The following PTPRN2 variants were observed in gnomAD, a reference collection of about 807,000 sequenced individuals.
PTPRN2 encodes protein tyrosine phosphatase receptor type N2, also known as receptor-type tyrosine-protein phosphatase N2.
In PTPRN2, 74 loss-of-function variants were observed where a neutral mutation model predicts 118.8. That is an observed-to-expected ratio of 0.62 (90% CI 0.52 to 0.76). The LOEUF (loss-of-function observed/expected upper bound fraction) is 0.76. PTPRN2 is among the 30% of genes least tolerant of loss of function. The pLI is 0.00. For missense variants in PTPRN2, 1,481 were observed against 1,394.4 expected (o/e 1.06, Z -0.99); for synonymous variants, 641 against 608.0 (o/e 1.05, Z -0.80).
chr7:157,980,212 A>T (rs1365627203), intron 11 of PTPRN2, among the ~76,000 whole-genome samples: 1 of 152,230 alleles, frequency 6.6e-6, no homozygotes, highest in Admixed American at 6.5e-5. Flanking sequence ...TATTCATTTT[A>T]TGCAGGCTGA....
At chr7:157,955,952 C>A (rs1299824916) in intron 11 of PTPRN2, among the ~76,000 whole-genome samples, 1 of 152,134 alleles carries the variant, frequency 6.6e-6, no homozygotes, top group Admixed American at 6.5e-5. Context: ...TGGAAGGAAC[C>A]CAGGAGACCA....
intron 11 of PTPRN2, among the ~76,000 whole-genome samples, chr7:157,931,462 C>T (rs963075815): frequency 2.6e-5 from 4 of 152,178 alleles, no homozygotes; most frequent in African/African-American, 9.6e-5. Context: ...AGTCTACTTC[C>T]GATCACACGC....
At chr7:157,662,892 G>C (rs899891280) in intron 13 of PTPRN2, among the ~76,000 whole-genome samples, 2 of 152,146 alleles carry the variant, frequency 1.3e-5, no homozygotes, top group African/African-American at 2.4e-5. Flanking sequence ...TGCAGGGTCT[G>C]AAGGGAAGGC....
intron 1 of PTPRN2, among the ~76,000 whole-genome samples, chr7:158,547,577 T>G (rs888300673): frequency 3.3e-5 from 5 of 152,162 alleles, no homozygotes; most frequent in Non-Finnish European, 7.4e-5. Flanking sequence ...TATTTTTAAA[T>G]AAAACACCAG....
Position 158,361,233 on chromosome 7 carries a change from T to C in PTPRN2, c.164-44301A>G, listed in dbSNP as rs374406413. Among the ~76,000 whole-genome samples the C allele has an allele frequency of 7.0e-4, 3 of 4,260 alleles. 1 individual carries two copies. The highest frequency in any genetic ancestry group is 2.3e-3 in the Admixed American group (2 of 878). The allele number at this position is 4,260 out of a possible 152,430, so 2.8% of individuals were successfully genotyped here. The stretch of plus-strand genomic sequence containing the variant: ...CACAGACCCCGCGTCCACCCTCACC[T>C]GGGGTGACCCACAGACCCTGCATCC... On this transcript the variant is annotated intron_variant, in intron 2 of 22. Transcript: ENST00000389418.
At chr7:158,062,841 G>C (rs558441518) in intron 11 of PTPRN2, among the ~76,000 whole-genome samples, 236 of 152,326 alleles carry the variant, frequency 1.5e-3, no homozygotes, top group Non-Finnish European at 2.6e-3. Flanking sequence ...AGCCCACCAT[G>C]CCTGAGCCTC....
intron 12 of PTPRN2, among the ~76,000 whole-genome samples, chr7:157,723,531 C>T (rs1332348863): frequency 6.6e-6 from 1 of 152,226 alleles, no homozygotes; most frequent in Non-Finnish European, 1.5e-5. Flanking sequence ...GCACTTTCTC[C>T]CTCCTCTCCT....
At chr7:158,125,419 A>G (rs987570315) in intron 9 of PTPRN2, among the ~76,000 whole-genome samples, 3 of 151,632 alleles carry the variant, frequency 2.0e-5, no homozygotes, top group Non-Finnish European at 2.9e-5. Context: ...TCCCAGCAGG[A>G]TGGGCTGGAC....
intron 12 of PTPRN2, among the ~76,000 whole-genome samples, chr7:157,770,012 C>A (rs1802706204): frequency 6.6e-6 from 1 of 152,216 alleles, no homozygotes; most frequent in Non-Finnish European, 1.5e-5. Context: ...CACGCTTGGC[C>A]CCAGCAGCCC....
intron 2 of PTPRN2, among the ~76,000 whole-genome samples, chr7:158,361,539 A>T (rs1808962821): frequency 6.6e-6 from 1 of 152,050 alleles, no homozygotes; most frequent in Admixed American, 6.5e-5. Context: ...GCCCAGTTCC[A>T]CTGAAGCCCT....
intron 12 of PTPRN2, among the ~76,000 whole-genome samples, chr7:157,769,479 T>A (rs181510406): frequency 2.6e-5 from 4 of 152,194 alleles, no homozygotes; most frequent in Admixed American, 2.6e-4. Flanking sequence ...ATCACAGCAA[T>A]GTCAACAGGC....
chr7:158,270,783 A>ACCTGGACCGCCCCCTCCACCTGGATGAC lies in PTPRN2; in HGVS notation c.277+46035_277+46036insGTCATCCAGGTGGAGGGGGCGGTCCAGG, dbSNP rs1798298855. Among the ~76,000 whole-genome samples, 10 of 51,272 alleles carry ACCTGGACCGCCCCCTCCACCTGGATGAC rather than the reference A, an allele frequency of 2.0e-4. 2 individuals carry two copies. Among genetic ancestry groups the ACCTGGACCGCCCCCTCCACCTGGATGAC allele is most frequent in the Non-Finnish European group, 2.7e-4 (8 of 29,244 alleles). 33.6% of individuals were successfully genotyped at this position (51,272 alleles called of 152,430 possible). Reference sequence around the variant, plus strand: ...CTGGACCACCCCGTCCACCTGGACCACCCCTCCACCTGGACCACCCCCTCA... The same window carrying ACCTGGACCGCCCCCTCCACCTGGATGAC: ...CTGGACCACCCCGTCCACCTGGACCACCTGGACCGCCCCCTCCACCTGGATGACCCCCTCCACCTGGACCACCCCCTCA... On this transcript the variant is annotated intron_variant, in intron 3 of 22. Coordinates refer to ENST00000389418, the MANE Select transcript of PTPRN2 (RefSeq NM_002847.5).
chr7:157,933,292 CTGAT>C (rs537212290), intron 11 of PTPRN2, among the ~76,000 whole-genome samples: 5,910 of 137,552 alleles, frequency 0.043, 806 homozygotes, highest in African/African-American at 0.18. Flanking sequence ...GTGAGTCACT[CTGAT>C]TGACAGTTTT....
chr7:157,910,289 G>C (rs1197011855), intron 11 of PTPRN2, among the ~76,000 whole-genome samples: 2 of 146,894 alleles, frequency 1.4e-5, no homozygotes, highest in Non-Finnish European at 3.0e-5. Context: ...ACGTACGCCG[G>C]ATCACGCACG....
chr7:158,284,346 G>A (rs1267147178), intron 3 of PTPRN2, among the ~76,000 whole-genome samples: 1 of 152,094 alleles, frequency 6.6e-6, no homozygotes, highest in Admixed American at 6.5e-5. Context: ...GCCGGGCACT[G>A]GGCACTGTGT....
At chr7:158,468,505 A>C (rs1344946557) in intron 2 of PTPRN2, among the ~76,000 whole-genome samples, 1 of 147,696 alleles carries the variant, frequency 6.8e-6, no homozygotes, top group Admixed American at 6.7e-5. Flanking sequence ...CTCAGCTGAC[A>C]TTCTGATTCA....
At position 158,250,952 on chromosome 7, in the gene PTPRN2, G is replaced by A. The variant is rs142696418; in HGVS notation, c.278-45679C>T. ...TCCAAAAGAAAAAAGGTGAAATTAC[G>A]CACAGTGAGATGAGCACATTTTTAC... On this transcript the variant is annotated intron_variant, in intron 3 of 22. Coordinates refer to ENST00000389418, the MANE Select transcript of PTPRN2 (RefSeq NM_002847.5). Among the ~76,000 whole-genome samples the A allele has an allele frequency of 8.6e-5, 13 of 151,926 alleles. No individual in the cohort carries two copies. In the East Asian group the frequency reaches 2.1e-3, roughly 25 times the overall value.
chr7:158,292,090 C>T (rs1255675541), intron 3 of PTPRN2, among the ~76,000 whole-genome samples: 3 of 152,196 alleles, frequency 2.0e-5, no homozygotes, highest in East Asian at 1.9e-4. Context: ...CCATACAGCC[C>T]GCAAATGGAT....
At chr7:158,153,027 G>A (rs1446245987) in intron 6 of PTPRN2, among the ~76,000 whole-genome samples, 767 of 130,228 alleles carry the variant, frequency 5.9e-3, no homozygotes, top group South Asian at 0.013. Flanking sequence ...CCACCGACTG[G>A]GGGGACAAGA....
Sources: allele counts gnomAD v4.1 joint callset (sites outside exome capture counted in the v4.1 genomes callset), GRCh38; gene constraint gnomAD v4.1.1; transcripts MANE v1.5; gene names NCBI Gene and HGNC (gene_info 2026-07-23, HGNC 2026-07-21).